SLC44A5: variants seen among roughly 807,000 people sequenced by gnomAD.
The protein encoded by SLC44A5 is choline transporter-like protein 5.
In SLC44A5, 57 loss-of-function variants were observed where a neutral mutation model predicts 101.8. The ratio of observed to expected loss-of-function variants is 0.56; its 90% CI spans 0.45 to 0.70. SLC44A5 has a LOEUF of 0.70. Among genes scored for constraint, SLC44A5 ranks in the 30% least tolerant of loss-of-function variants. SLC44A5 has a pLI of 0.00. For missense variants in SLC44A5, 737 were observed against 853.1 expected, an observed-to-expected ratio of 0.86 and a Z score of 1.70; for synonymous variants, 281 against 290.9, an observed-to-expected ratio of 0.97 and a Z score of 0.35.
At chr1:75,608,558 C>T (rs1675461385) in intron 1 of SLC44A5, among the ~76,000 whole-genome samples, 2 of 152,130 alleles carry the variant, frequency 1.3e-5, no homozygotes, top group African/African-American at 2.4e-5. Flanking sequence ...ACTGGTGCCA[C>T]ATTTCCCCAG....
intron 4 of SLC44A5, among the ~76,000 whole-genome samples, chr1:75,307,328 A>C (rs754673196): frequency 1.3e-5 from 2 of 152,126 alleles, no homozygotes; most frequent in Non-Finnish European, 2.9e-5. Context: ...TTCTGTTGGC[A>C]CCTGAATGAT....
intron 2 of SLC44A5, among the ~76,000 whole-genome samples, chr1:75,502,772 G>A (rs1253784098): frequency 7.2e-6 from 1 of 139,638 alleles, no homozygotes; most frequent in East Asian, 2.1e-4. Context: ...CCTATAAATG[G>A]ACTTAGAAAA....
chr1:75,254,494 G>A (rs1162273550), intron 6 of SLC44A5, among the ~76,000 whole-genome samples: 1 of 152,142 alleles, frequency 6.6e-6, no homozygotes, highest in Non-Finnish European at 1.5e-5. Context: ...TCCAGGTGAT[G>A]TATCAGGCAC....
intron 13 of SLC44A5, among the ~76,000 whole-genome samples, chr1:75,223,659 T>C (rs887172624): frequency 6.6e-6 from 1 of 152,214 alleles, no homozygotes; most frequent in African/African-American, 2.4e-5. Flanking sequence ...GTTCTGTTGA[T>C]GGAGAGCTCA....
chr1:75,537,033 A>AAAAAGTATATATATATAT (rs35829590), intron 2 of SLC44A5, among the ~76,000 whole-genome samples: 1 of 43,026 alleles, frequency 2.3e-5, no homozygotes, highest in Non-Finnish European at 5.8e-5. Context: ...AAAAAAAAAA[A>AAAAAGTATATATATATAT]ATATATATCT....
intron 1 of SLC44A5, among the ~76,000 whole-genome samples, chr1:75,569,461 C>T (rs968329104): frequency 5.3e-5 from 8 of 152,106 alleles, no homozygotes; most frequent in African/African-American, 1.7e-4. Flanking sequence ...AGGCTGGTCT[C>T]GAACTCATGG....
At chr1:75,269,736 G>T (rs1651306599) in intron 6 of SLC44A5, among the ~76,000 whole-genome samples, 1 of 151,836 alleles carries the variant, frequency 6.6e-6, no homozygotes, top group Non-Finnish European at 1.5e-5. Flanking sequence ...TTTCTGTCTG[G>T]TTTTATGATA....
rs116933861 is a variant in SLC44A5, at chr1:75,440,429, G to A, written c.14-43808C>T. ...TGGCTGAGGAAAAGCAAGAATGCCA[G>A]TGTGGCCATAGCAGTGGGAGTGACA... On this transcript the variant is annotated intron_variant, in intron 2 of 23. Transcript: ENST00000370859. 4.8e-4 allele frequency among the ~76,000 whole-genome samples: 73 copies of A among 152,236 alleles called. 2 individuals are homozygous for A. In the East Asian group the frequency reaches 0.012, roughly 26 times the overall value.
Position 75,552,557 on chromosome 1 carries a change from G to C in SLC44A5, c.-69-11041C>G, listed in dbSNP as rs188813063. Among the ~76,000 whole-genome samples the C allele has an allele frequency of 2.5e-3, 375 of 151,254 alleles. 1 individual carries two copies. Among genetic ancestry groups the C allele is most frequent in the Non-Finnish European group, 4.5e-3 (304 of 67,884 alleles). ...ACCTCAACATCATATAAACATATAT[G>C]AATGAATGAATGTATCTATCGATTG... On this transcript the variant is annotated intron_variant, in intron 1 of 23. Transcript: ENST00000370859.
At chr1:75,533,730 C>T (rs555496253) in intron 2 of SLC44A5, among the ~76,000 whole-genome samples, 2 of 152,262 alleles carry the variant, frequency 1.3e-5, no homozygotes, top group East Asian at 3.9e-4. Flanking sequence ...TATCTGAATA[C>T]ACACATAGTT....
intron 3 of SLC44A5, among the ~76,000 whole-genome samples, chr1:75,352,893 G>T (rs1036830251): frequency 1.3e-5 from 2 of 152,094 alleles, no homozygotes; most frequent in South Asian, 4.1e-4. Context: ...TGACATAGTC[G>T]TACAATAGGA....
chr1:75,533,097 T>C (rs959354622), intron 2 of SLC44A5, among the ~76,000 whole-genome samples: 5 of 152,140 alleles, frequency 3.3e-5, no homozygotes, highest in Non-Finnish European at 7.3e-5. Flanking sequence ...ATTCAGCCCA[T>C]TGTAGACCCT....
the SLC44A5 span, among the ~76,000 whole-genome samples, chr1:75,652,716 C>T: frequency 1.2e-4 from 18 of 152,094 alleles, no homozygotes; most frequent in Non-Finnish European, 1.0e-4. Flanking sequence ...ATGGCTTGTG[C>T]CCAGGAGTAT....
At chr1:75,220,959 A>G (rs1647066280) in intron 14 of SLC44A5, among the ~76,000 whole-genome samples, 1 of 152,184 alleles carries the variant, frequency 6.6e-6, no homozygotes, top group African/African-American at 2.4e-5. Context: ...AACTACCAAC[A>G]TGTTTCAGTT....
intron 2 of SLC44A5, among the ~76,000 whole-genome samples, chr1:75,431,004 G>A (rs1008533406): frequency 1.7e-4 from 26 of 152,182 alleles, no homozygotes; most frequent in African/African-American, 4.8e-4. Context: ...ACAATAAAGC[G>A]ATGAATCTTT....
At chr1:75,504,130 T>A (rs1291163199) in intron 2 of SLC44A5, among the ~76,000 whole-genome samples, 1 of 152,170 alleles carries the variant, frequency 6.6e-6, no homozygotes, top group African/African-American at 2.4e-5. Context: ...ACTCGATACA[T>A]GCTTGTGTGT....
At chr1:75,278,057 A>G (rs1160535135) in intron 5 of SLC44A5, among the ~76,000 whole-genome samples, 2 of 152,176 alleles carry the variant, frequency 1.3e-5, no homozygotes, top group African/African-American at 4.8e-5. Context: ...GCTGTCCAAT[A>G]TGGTAGCCAC....
At chr1:75,683,541 G>A in the SLC44A5 span, among the ~76,000 whole-genome samples, 13 of 152,042 alleles carry the variant, frequency 8.6e-5, no homozygotes, top group Non-Finnish European at 1.8e-4. Flanking sequence ...TCACTCATAG[G>A]TGGGTATTGA....
intron 23 of SLC44A5, chr1:75,206,833 T>C: frequency 1.6e-6 from 1 of 640,894 alleles, no homozygotes; most frequent in Non-Finnish European, 2.7e-6. Context: ...TGTTAGAAAG[T>C]CAAATATAAG....
Sources: allele counts gnomAD v4.1 joint callset (sites outside exome capture counted in the v4.1 genomes callset), GRCh38; gene constraint gnomAD v4.1.1; transcripts MANE v1.5; gene names NCBI Gene and HGNC (gene_info 2026-07-23, HGNC 2026-07-21).